SORT1: variants seen among roughly 807,000 people sequenced by gnomAD.
SORT1 encodes sortilin 1, also known as sortilin.
In SORT1, 39 loss-of-function variants were observed where a neutral mutation model predicts 101.7. The ratio of observed to expected loss-of-function variants is 0.38; its 90% CI spans 0.30 to 0.50. The LOEUF (loss-of-function observed/expected upper bound fraction) is 0.50. Ranked by LOEUF, SORT1 falls within the 20% of genes least tolerant of loss-of-function variation. The probability of loss-of-function intolerance (pLI) is 0.90; values close to 1 mark genes in which losing one functional copy is unlikely to be tolerated. For missense variants in SORT1, 878 were observed against 1,040.4 expected, an observed-to-expected ratio of 0.84 and a Z score of 2.15; for synonymous variants, 396 against 393.7, an observed-to-expected ratio of 1.01 and a Z score of -0.07.
intron 1 of SORT1, among the ~76,000 whole-genome samples, chr1:109,378,750 AT>A (rs1324011405): frequency 1.8e-4 from 13 of 73,108 alleles, no homozygotes; most frequent in African/African-American, 6.5e-4. Flanking sequence ...ATATATATAT[AT>A]ATATATATAT....
At chr1:109,391,400 C>A (rs1181959097) in intron 1 of SORT1, among the ~76,000 whole-genome samples, 7 of 152,176 alleles carry the variant, frequency 4.6e-5, no homozygotes, top group African/African-American at 1.7e-4. Context: ...CCTCTGGCCT[C>A]TCCCATATGA....
intron 5 of SORT1, among the ~76,000 whole-genome samples, chr1:109,351,565 A>G (rs949945956): frequency 6.6e-6 from 1 of 152,252 alleles, no homozygotes. Context: ...GCTAAAAGCC[A>G]TCAGGCATTA....
rs113027353 is a variant in SORT1 at position 109,362,801 on chromosome 1, T to TA, written c.440+4606dup. On this transcript the variant is annotated intron_variant, in intron 3 of 19. Coordinates refer to ENST00000256637, the MANE Select transcript of SORT1 (RefSeq NM_002959.7). ...ATCACATTTTAATATACTTTTTCTTTAAAAAAAAAAAAGCAAGAAAATATA... is the reference window on the plus strand; with the variant it reads ...ATCACATTTTAATATACTTTTTCTTTAAAAAAAAAAAAAGCAAGAAAATATA... Among the ~76,000 whole-genome samples the TA allele has an allele frequency of 3.2e-3, 462 of 142,964 alleles. 1 individual carries two copies. The highest frequency in any genetic ancestry group is 6.1e-3 in the African/African-American group (240 of 39,080). The allele number at this position is 142,964 out of a possible 152,430, so 93.8% of individuals were successfully genotyped here. A position where few individuals can be genotyped will look rare whatever the true frequency, so the allele number is the denominator to read the frequency against.
At chr1:109,389,586 A>T (rs1652781894) in intron 1 of SORT1, among the ~76,000 whole-genome samples, 1 of 152,174 alleles carries the variant, frequency 6.6e-6, no homozygotes, top group Non-Finnish European at 1.5e-5. Context: ...CATTAAGCAC[A>T]TTATCAGCAA....
intron 1 of SORT1, among the ~76,000 whole-genome samples, chr1:109,370,094 A>T (rs1450736336): frequency 6.6e-6 from 1 of 152,216 alleles, no homozygotes; most frequent in Non-Finnish European, 1.5e-5. Context: ...AGCAAGAAGC[A>T]AATGCCTTTG....
chr1:109,339,576 C>T (rs767953641), intron 10 of SORT1, among the ~76,000 whole-genome samples: 5 of 152,024 alleles, frequency 3.3e-5, no homozygotes, highest in African/African-American at 2.4e-5. Context: ...AGTGCTGTTA[C>T]AAAAATAGGA....
At chr1:109,318,458 C>T (rs116149872) in intron 15 of SORT1, among the ~76,000 whole-genome samples, 1 of 151,884 alleles carries the variant, frequency 6.6e-6, no homozygotes, top group African/African-American at 2.4e-5. Context: ...CCAGAGAGGG[C>T]CTTATTAAGG....
Position 109,345,899 on chromosome 1 carries a change from A to T in SORT1, c.833-18T>A. ...GTCAGCTTCTTAAACAAGACAAAAT[A>T]TTAATTAAAATTTCACTTACTGGTG... On this transcript the variant is annotated intron_variant, in intron 7 of 19. Transcript: ENST00000256637. 6.3e-7 allele frequency: 1 copy of T among 1,599,252 alleles called. No individual in the cohort carries two copies. The highest frequency in any genetic ancestry group is 8.5e-7 in the Non-Finnish European group (1 of 1,173,334).
chr1:109,326,504 TAC>T (rs1353086787), intron 13 of SORT1, among the ~76,000 whole-genome samples: 2 of 51,710 alleles, frequency 3.9e-5, no homozygotes, highest in South Asian at 7.3e-4. Context: ...CACACATATA[TAC>T]ACACATACAC....
chr1:109,339,723 T>G (rs1224816779), intron 10 of SORT1, among the ~76,000 whole-genome samples: 1 of 152,224 alleles, frequency 6.6e-6, no homozygotes, highest in African/African-American at 2.4e-5. Flanking sequence ...TCCTGCTATT[T>G]CACTCCTACA....
At chr1:109,382,792 G>A (rs549351968) in intron 1 of SORT1, among the ~76,000 whole-genome samples, 17 of 152,096 alleles carry the variant, frequency 1.1e-4, no homozygotes, top group Non-Finnish European at 2.4e-4. Flanking sequence ...TAGAAAGCAG[G>A]GGACAGCTTG....
chr1:109,330,904 G>T (rs1179362069), intron 11 of SORT1, among the ~76,000 whole-genome samples: 2 of 152,018 alleles, frequency 1.3e-5, no homozygotes, highest in Non-Finnish European at 2.9e-5. Context: ...AGCTTACCAA[G>T]ACTGTATCAT....
intron 1 of SORT1, among the ~76,000 whole-genome samples, chr1:109,396,125 T>C (rs1653165505): frequency 6.6e-6 from 1 of 151,592 alleles, no homozygotes; most frequent in Non-Finnish European, 1.5e-5. Flanking sequence ...CTAGGCATAG[T>C]GGTGCACACC....
chr1:109,354,268 A>C lies in SORT1; in HGVS notation c.708+99T>G. 4 of 851,444 alleles carry C rather than the reference A, an allele frequency of 4.7e-6. No homozygotes were observed. The South Asian group carries it at 6.8e-5, about 14-fold the overall frequency. The allele number at this position is 851,444 out of a possible 1,614,324, so 52.7% of individuals were successfully genotyped here. ...TCATGCCATAAGGAGACTTGAAAGAAGTCCAATATTAAAAGCATTTCCTAA... is the reference window on the plus strand; with the variant it reads ...TCATGCCATAAGGAGACTTGAAAGACGTCCAATATTAAAAGCATTTCCTAA... On this transcript the variant is annotated intron_variant, in intron 5 of 19. Transcript: ENST00000256637.
chr1:109,319,276 C>G (rs1291337741), intron 15 of SORT1, among the ~76,000 whole-genome samples: 1 of 152,126 alleles, frequency 6.6e-6, no homozygotes, highest in African/African-American at 2.4e-5. Flanking sequence ...CTGTTTACCC[C>G]AAAGAAACAA....
chr1:109,340,048 C>T (rs928470380), intron 10 of SORT1, among the ~76,000 whole-genome samples: 1 of 150,022 alleles, frequency 6.7e-6, no homozygotes, highest in Non-Finnish European at 1.5e-5. Context: ...ACTCAGGAGG[C>T]TGAGGCAGGA....
chr1:109,342,853 C>T (rs929889892), intron 8 of SORT1, among the ~76,000 whole-genome samples: 3 of 152,046 alleles, frequency 2.0e-5, no homozygotes, highest in African/African-American at 7.2e-5. Context: ...AACATCGCTA[C>T]TAGATACAGT....
chr1:109,386,411 A>G (rs1652570565), intron 1 of SORT1, among the ~76,000 whole-genome samples: 1 of 152,220 alleles, frequency 6.6e-6, no homozygotes, highest in Admixed American at 6.5e-5. Context: ...AAGGGCTAGA[A>G]GGGCATTCAG....
intron 17 of SORT1, among the ~76,000 whole-genome samples, chr1:109,316,151 C>A (rs1647207977): frequency 6.6e-6 from 1 of 152,092 alleles, no homozygotes; most frequent in Admixed American, 6.6e-5. Context: ...GGTCAGAGAT[C>A]CACCCTACCT....
Sources: gnomAD v4.1 joint callset for allele counts (sites outside exome capture counted in the v4.1 genomes callset) on GRCh38, gnomAD v4.1.1 for gene constraint, MANE v1.5 for transcripts, NCBI Gene and HGNC (gene_info 2026-07-23, HGNC 2026-07-21) for gene names.